The following PPP1R21 variants were observed in gnomAD, a reference collection of about 807,000 sequenced individuals.
PPP1R21 encodes KLRAQ motif containing 1.
PPP1R21 carries 85 observed loss-of-function variants against 112.8 expected under a neutral mutation model. The observed-to-expected ratio is 0.75, with a 90% CI of 0.63 to 0.90. The LOEUF is 0.90. Among genes scored for constraint, PPP1R21 ranks in the 40% least tolerant of loss-of-function variants. The probability of loss-of-function intolerance (pLI) is 0.00; values close to 1 mark genes in which losing one functional copy is unlikely to be tolerated. For missense variants in PPP1R21, 1,199 were observed against 901.5 expected (o/e 1.33, Z -4.23); for synonymous variants, 381 against 322.3 (o/e 1.18, Z -1.95).
At position 48,498,542 on chromosome 2, in the gene PPP1R21, A is replaced by T; in HGVS notation, c.1742A>T (p.His581Leu). ...TCTAAACTGGAGCAGGAAAAAGAAC[A>T]TTGGATGTTGGAAGCACAATTAGCC... ...KISKLEQEKE[H>L]WMLEAQLAKI... Residue 581 changes from histidine to leucine, a missense_variant, in exon 17 of 22, where the codon CAT becomes CTT. Physicochemically the swap from His to Leu is moderately conservative, Grantham distance 99. Coordinates refer to ENST00000294952, the MANE Select transcript of PPP1R21 (RefSeq NM_001135629.3). 6.2e-7 allele frequency: 1 copy of T among 1,614,196 alleles called. No homozygotes were observed. The highest frequency in any genetic ancestry group is 1.1e-5 in the South Asian group (1 of 91,088).
intron 12 of PPP1R21, chr2:48,479,539 G>T: frequency 2.1e-6 from 1 of 479,454 alleles, no homozygotes; most frequent in South Asian, 1.5e-5. Context: ...GGCAGAAGCA[G>T]AACTCTGTGA....
At chr2:48,510,680 G>C (rs2103676760) in intron 20 of PPP1R21, among the ~76,000 whole-genome samples, 1 of 152,336 alleles carries the variant, frequency 6.6e-6, no homozygotes, top group East Asian at 1.9e-4. Context: ...AAGAGAGCAT[G>C]AGAAATGGGA....
At chr2:48,478,454 C>T (rs1284875243) in intron 12 of PPP1R21, among the ~76,000 whole-genome samples, 1 of 152,206 alleles carries the variant, frequency 6.6e-6, no homozygotes, top group East Asian at 1.9e-4. Flanking sequence ...CATACAGTCA[C>T]CCTGAGATGA....
In PPP1R21 at chr2:48,440,836, T is replaced by TGCGGTG; in HGVS notation, c.-115_-110dup. 1 of 644,416 alleles carries TGCGGTG rather than the reference T, an allele frequency of 1.6e-6. No individual in the cohort carries two copies. The highest frequency in any genetic ancestry group is 4.3e-4 in the Middle Eastern group (1 of 2,312). The allele number at this position is 644,416 out of a possible 1,614,324, so 39.9% of individuals were successfully genotyped here. A position where few individuals can be genotyped will look rare whatever the true frequency, so the allele number is the denominator to read the frequency against. Reference sequence around the variant, plus strand: ...GCGCGGCGGCGGCGGCGGCGGCGGCTGCGGTGGCCAAGCAGGCAGATACTG... The same window carrying TGCGGTG: ...GCGCGGCGGCGGCGGCGGCGGCGGCTGCGGTGGCGGTGGCCAAGCAGGCAGATACTG... On this transcript the variant is annotated 5_prime_UTR_variant, in exon 1 of 22. Transcript: ENST00000294952.
At chr2:48,471,017 C>G in intron 9 of PPP1R21, 70 bp from the exon 10 acceptor site, 1 of 1,044,286 alleles carries the variant, frequency 9.6e-7, no homozygotes, top group Non-Finnish European at 1.5e-6. Context: ...TTTGGTGGGT[C>G]CATTTAGAAA....
chr2:48,451,168 A>G (rs1187536326), intron 2 of PPP1R21, 92 bp downstream of exon 2: 1 of 935,170 alleles, frequency 1.1e-6, no homozygotes, highest in South Asian at 1.3e-5. Flanking sequence ...TAAAGTTCCA[A>G]CTCTGACACT....
chr2:48,506,903 G>A (rs987876138), intron 18 of PPP1R21, among the ~76,000 whole-genome samples: 1 of 148,358 alleles, frequency 6.7e-6, no homozygotes, highest in Non-Finnish European at 1.5e-5. Context: ...CCAAGACTGC[G>A]CCACTGCACT....
intron 1 of PPP1R21, chr2:48,441,405 TC>T (rs1667025607): frequency 6.7e-6 from 2 of 299,054 alleles, no homozygotes. Flanking sequence ...GATCAACCCT[TC>T]TCCCCTCCCA....
intron 17 of PPP1R21, among the ~76,000 whole-genome samples, chr2:48,500,849 C>T (rs1670079047): frequency 6.6e-6 from 1 of 151,958 alleles, no homozygotes; most frequent in African/African-American, 2.4e-5. Flanking sequence ...GCGGAGGTCG[C>T]AGTGAGCTGA....
At chr2:48,454,134 G>A (rs1298973991) in intron 2 of PPP1R21, among the ~76,000 whole-genome samples, 4 of 152,230 alleles carry the variant, frequency 2.6e-5, no homozygotes, top group Non-Finnish European at 5.9e-5. Context: ...GGTAGTGTGC[G>A]CCTGAAGTCC....
intron 18 of PPP1R21, among the ~76,000 whole-genome samples, chr2:48,506,272 C>A (rs1670369634): frequency 6.6e-6 from 1 of 152,100 alleles, no homozygotes; most frequent in Non-Finnish European, 1.5e-5. Context: ...TTTTGTACTT[C>A]TAGTAGAGAC....
rs574185408 is a variant in PPP1R21, at chr2:48,459,247, A to C, written c.376-507A>C. Reference sequence around the variant, plus strand: ...AAAAAGTTGTTTTTGACCACAGTGTATTTTATATCTAAGTATTCACAATTC... The same window carrying C: ...AAAAAGTTGTTTTTGACCACAGTGTCTTTTATATCTAAGTATTCACAATTC... On this transcript the variant is annotated intron_variant, in intron 4 of 21. Coordinates refer to ENST00000294952, the MANE Select transcript of PPP1R21 (RefSeq NM_001135629.3). 3.9e-5 allele frequency among the ~76,000 whole-genome samples: 6 copies of C among 152,172 alleles called. No homozygotes were observed. In the East Asian group the frequency reaches 1.2e-3, roughly 29 times the overall value.
At chr2:48,446,388 G>C (rs535750808) in intron 1 of PPP1R21, among the ~76,000 whole-genome samples, 3 of 152,310 alleles carry the variant, frequency 2.0e-5, no homozygotes, top group Non-Finnish European at 4.4e-5. Context: ...TCCAGAACCA[G>C]AGTTGTAGAG....
intron 14 of PPP1R21, 141 bp downstream of exon 14, chr2:48,486,899 C>G: frequency 1.2e-6 from 1 of 846,254 alleles, no homozygotes. Flanking sequence ...CTTTCCTCTG[C>G]TTCCTACCCA....
intron 12 of PPP1R21, among the ~76,000 whole-genome samples, chr2:48,478,499 C>G (rs150279777): frequency 3.9e-4 from 59 of 152,334 alleles, no homozygotes; most frequent in African/African-American, 1.3e-3. Flanking sequence ...CTGTCTCTTT[C>G]ACTGATCACA....
intron 15 of PPP1R21, among the ~76,000 whole-genome samples, chr2:48,494,142 G>A (rs1669699411): frequency 6.7e-6 from 1 of 149,260 alleles, no homozygotes; most frequent in Non-Finnish European, 1.5e-5. Flanking sequence ...GCTGGGCTGA[G>A]GCAGGAGGAG....
chr2:48,461,337 C>T (rs1667971238), intron 7 of PPP1R21, 105 bp downstream of exon 7: 7 of 1,342,076 alleles, frequency 5.2e-6, no homozygotes, highest in Non-Finnish European at 6.7e-6. Flanking sequence ...ATTTAATTGG[C>T]CCCACAGAAG....
chr2:48,503,926 C>T, intron 17 of PPP1R21, among the ~76,000 whole-genome samples: 1 of 144,684 alleles, frequency 6.9e-6, no homozygotes, highest in Non-Finnish European at 1.5e-5. Context: ...GCACTCCAGC[C>T]TGGGCAAAAG....
chr2:48,446,444 T>C (rs775386366), intron 1 of PPP1R21, among the ~76,000 whole-genome samples: 1 of 152,186 alleles, frequency 6.6e-6, no homozygotes, highest in Non-Finnish European at 1.5e-5. Context: ...TCAAGGCTTT[T>C]GAGGATTCTT....
Sources: allele counts gnomAD v4.1 joint callset (sites outside exome capture counted in the v4.1 genomes callset), GRCh38; gene constraint gnomAD v4.1.1; transcripts MANE v1.5; gene names NCBI Gene and HGNC (gene_info 2026-07-23, HGNC 2026-07-21).